The following FLNC variants were observed in gnomAD, a reference collection of about 807,000 sequenced individuals.
The protein encoded by FLNC is filamin C.
A neutral mutation model predicts 254.3 loss-of-function variants in FLNC; 91 were observed. That is an observed-to-expected ratio of 0.36 (90% CI 0.30 to 0.43). FLNC has a LOEUF of 0.43. FLNC is among the 20% of genes least tolerant of loss of function. FLNC has a pLI of 1.00. For missense variants in FLNC, 2,853 were observed against 3,802.6 expected (o/e 0.75, Z 6.57); for synonymous variants, 1,430 against 1,577.2 (o/e 0.91, Z 2.21).
chr7:128,845,505 G>T (rs561906900), intron 21 of FLNC, among the ~76,000 whole-genome samples: 1 of 152,334 alleles, frequency 6.6e-6, no homozygotes, highest in Non-Finnish European at 1.5e-5. Context: ...TTTCTGGAGA[G>T]ATCTCTTCTT....
chr7:128,855,085 C>A, intron 42 of FLNC, 114 bp from the exon 43 acceptor site: 2 of 1,062,408 alleles, frequency 1.9e-6, no homozygotes, highest in Non-Finnish European at 1.5e-6. Context: ...ATGTGTCTGC[C>A]TCCAGATCTG....
In FLNC at chr7:128,838,071, C is replaced by T. The variant is rs768302754; in HGVS notation, c.1047+7C>T. 1.9e-6 allele frequency: 3 copies of T among 1,609,596 alleles called. No homozygotes were observed. In the Admixed American group the frequency reaches 5.0e-5, roughly 27 times the overall value. On this transcript the variant is annotated splice_region_variant and intron_variant, in intron 6 of 47. Coordinates refer to ENST00000325888, the MANE Select transcript of FLNC (RefSeq NM_001458.5). Reference sequence around the variant, plus strand: ...GGTCGCTGGGTTACACAAGGTATCTCCCTCTAGGCCCCCCTGCCTGCGCTG... The same window carrying T: ...GGTCGCTGGGTTACACAAGGTATCTTCCTCTAGGCCCCCCTGCCTGCGCTG...
At position 128,842,912 on chromosome 7, in the gene FLNC, A is replaced by G. The variant is rs1418754864; in HGVS notation, c.2508A>G (p.Pro836=). Residue 836 remains proline, a synonymous_variant, in exon 16 of 48, where the codon CCA becomes CCG. Coordinates refer to ENST00000325888, the MANE Select transcript of FLNC (RefSeq NM_001458.5). The surrounding 1 kb of genome is among the most constrained non-coding windows in gnomAD (Gnocchi z 5.4). ...CCTTCACCGTCAAGTACACGCCACC[A>G]GGGGCGGGCCGCTACACCATCATGG... ...NDTFTVKYTP[P]GAGRYTIMVL... 3.1e-6 allele frequency: 5 copies of G among 1,613,912 alleles called. No individual in the cohort carries two copies. The highest frequency in any genetic ancestry group is 4.2e-6 in the Non-Finnish European group (5 of 1,180,038).
chr7:128,857,122 G>A lies in FLNC; in HGVS notation c.7566G>A (p.Val2522=). The A allele has an allele frequency of 6.2e-7, 1 of 1,614,030 alleles. No homozygotes were observed. The highest frequency in any genetic ancestry group is 2.2e-5 in the East Asian group (1 of 44,870). ...CTTGCTACCTCTGGCCCCCAGGTGT[G>A]TCATCAGAGTTCATCGTGAACACCC... ...GPGLEGGTTG[V]SSEFIVNTLN... The change falls in exon 46 of 48, where the codon GTG becomes GTA. Residue 2522 remains valine, a synonymous_variant. Coordinates refer to ENST00000325888, the MANE Select transcript of FLNC (RefSeq NM_001458.5). The surrounding 1 kb of genome is among the most constrained non-coding windows in gnomAD (Gnocchi z 4.5).
chr7:128,859,256 A>G lies in FLNC; in HGVS notation c.*733A>G, dbSNP rs1183901793. On this transcript the variant is annotated 3_prime_UTR_variant, in exon 48 of 48. Coordinates refer to ENST00000325888, the MANE Select transcript of FLNC (RefSeq NM_001458.5). Reference sequence around the variant, plus strand: ...GCTGCTTAGGTGGAAAACTCCAAATAAAGTGCGGCTGTCGCAGAGGGTTGG... The same window carrying G: ...GCTGCTTAGGTGGAAAACTCCAAATGAAGTGCGGCTGTCGCAGAGGGTTGG... The G allele has an allele frequency of 6.5e-6, 1 of 152,710 alleles. No individual in the cohort carries two copies. The highest frequency in any genetic ancestry group is 1.9e-4 in the East Asian group (1 of 5,182). 9.5% of individuals were successfully genotyped at this position (152,710 alleles called of 1,614,324 possible). A position where few individuals can be genotyped will look rare whatever the true frequency, so the allele number is the denominator to read the frequency against.
At chr7:128,855,112 C>T (rs1809000390) in intron 42 of FLNC, 87 bp from the exon 43 acceptor site, 2 of 1,120,276 alleles carry the variant, frequency 1.8e-6, no homozygotes, top group Admixed American at 1.7e-5. Flanking sequence ...GACCACAGAG[C>T]CTTTCCTGGG....
intron 27 of FLNC, 36 bp downstream of exon 27, chr7:128,848,753 T>C (rs377334405): frequency 8.2e-5 from 133 of 1,613,898 alleles, no homozygotes; most frequent in Non-Finnish European, 1.1e-4. Context: ...CAGGTCATGC[T>C]CCAGGCACAG....
chr7:128,858,375 C>A lies in FLNC; in HGVS notation c.8030C>A (p.Thr2677Asn). Residue 2677 changes from threonine (T) to asparagine (N), a missense_variant, in exon 48 of 48, where the codon ACC becomes AAC. Physicochemically the swap from Thr to Asn is moderately conservative, Grantham distance 65. Around this residue, in one of 10 missense-constraint regions of FLNC, gnomAD observed 197 missense variants for 351.5 expected, o/e 0.56. Coordinates refer to ENST00000325888, the MANE Select transcript of FLNC (RefSeq NM_001458.5). This position sits in a 1 kb window ranked among gnomAD's most constrained non-coding sequence, Gnocchi z 6.7. Reference sequence around the variant, plus strand: ...ATGGTGGGCGTGCACGGCCCCAAGACCCCCTGTGAGGAGGTGTACGTGAAG... The same window carrying A: ...ATGGTGGGCGTGCACGGCCCCAAGAACCCCTGTGAGGAGGTGTACGTGAAG... ...MMMVGVHGPK[T>N]PCEEVYVKHM... 6.3e-7 allele frequency: 1 copy of A among 1,583,804 alleles called. No individual in the cohort carries two copies. The highest frequency in any genetic ancestry group is 8.7e-7 in the Non-Finnish European group (1 of 1,154,324).
Position 128,837,686 on chromosome 7 carries a change from G to A in FLNC, c.900G>A (p.Val300=). The change falls in exon 5 of 48, where the codon GTG becomes GTA. Residue 300 remains valine, a synonymous_variant. Transcript: ENST00000325888. ...NTVLQPAHFT[V]QTVDAGVGEV... ...TGCTGCAGCCTGCCCACTTCACCGT[G>A]CAGACGGTGGACGCGGGCGTGGGCG... 1.2e-6 allele frequency: 2 copies of A among 1,611,804 alleles called. No individual in the cohort carries two copies. Among genetic ancestry groups the A allele is most frequent in the African/African-American group, 1.3e-5 (1 of 75,056 alleles).
chr7:128,849,091 C>T (rs2128937720), intron 28 of FLNC, 90 bp from the exon 29 acceptor site: 4 of 1,582,912 alleles, frequency 2.5e-6, no homozygotes, highest in Non-Finnish European at 3.5e-6. Context: ...GCACACATGC[C>T]CTAGCCCTGG....
chr7:128,846,124 G>T lies in FLNC; in HGVS notation c.3925G>T (p.Asp1309Tyr), dbSNP rs1473499195. ...AGACACCTATGTGACAGACAATGGGGACGGCACCTACCGAGTGCAGTACAC... is the reference window on the plus strand; with the variant it reads ...AGACACCTATGTGACAGACAATGGGTACGGCACCTACCGAGTGCAGTACAC... ...KTDTYVTDNG[D>Y]GTYRVQYTAY... The change falls in exon 22 of 48, where the codon GAC (aspartate) becomes TAC (tyrosine). Residue 1309 changes from aspartate to tyrosine, a missense_variant. By Grantham distance (160) the Asp-to-Tyr change is radical (BLOSUM62 -3). Coordinates refer to ENST00000325888, the MANE Select transcript of FLNC (RefSeq NM_001458.5). The T allele has an allele frequency of 6.2e-7, 1 of 1,613,970 alleles. No homozygotes were observed. The highest frequency in any genetic ancestry group is 1.3e-5 in the African/African-American group (1 of 74,914).
At position 128,846,591 on chromosome 7, in the gene FLNC, C is replaced by T. The variant is rs562526539; in HGVS notation, c.4127+128C>T. ...TCTCAGGGGTGAGGCAGGAGCAGAC[C>T]CCCTCCAGGACCCCAGATTGGCCCC... is the stretch of plus-strand genomic sequence containing the variant. On this transcript the variant is annotated intron_variant, in intron 23 of 47. Transcript: ENST00000325888. 1.0e-5 allele frequency: 14 copies of T among 1,402,732 alleles called. No individual in the cohort carries two copies. In the Admixed American group the frequency reaches 2.3e-4, roughly 23 times the overall value. The allele number at this position is 1,402,732 out of a possible 1,614,324, so 86.9% of individuals were successfully genotyped here.
Position 128,851,641 on chromosome 7 carries a change from T to C in FLNC, c.5842+13T>C. ...GCCAAGATCACAGGTGAGGCGGGTG[T>C]ATGGGCATGTACAGCCCATGAGGCA... On this transcript the variant is annotated intron_variant, in intron 35 of 47. Transcript: ENST00000325888. 6.2e-7 allele frequency: 1 copy of C among 1,613,344 alleles called. No homozygotes were observed. Among genetic ancestry groups the C allele is most frequent in the Non-Finnish European group, 8.5e-7 (1 of 1,179,856 alleles).
In FLNC at chr7:128,846,392, C is replaced by A; in HGVS notation, c.4056C>A (p.Arg1352=). ...VGVTEGCDPT[R]VRAFGPGLEG... is the part of the protein sequence containing the mutation. ...TGACCGAGGGCTGTGATCCCACCCG[C>A]GTCCGAGCCTTCGGGCCAGGCCTGG... The change falls in exon 23 of 48, where the codon CGC becomes CGA. Residue 1352 remains arginine, a synonymous_variant. Coordinates refer to ENST00000325888, the MANE Select transcript of FLNC (RefSeq NM_001458.5). 6.2e-7 allele frequency: 1 copy of A among 1,611,094 alleles called. No homozygotes were observed. Among genetic ancestry groups the A allele is most frequent in the Non-Finnish European group, 8.5e-7 (1 of 1,179,976 alleles).
intron 7 of FLNC, 86 bp downstream of exon 7, chr7:128,838,515 C>G: frequency 6.3e-7 from 1 of 1,592,054 alleles, no homozygotes; most frequent in Non-Finnish European, 8.6e-7. Flanking sequence ...GACAGGGATG[C>G]CAGCCAGAGG....
In FLNC at chr7:128,849,508, A is replaced by G. The variant is rs781539315; in HGVS notation, c.5129A>G (p.Glu1710Gly). ...TTTGACATCTACTACACAGCGCCCGAGCCGGGCAAGTACGTCATCACCATC... is the reference window on the plus strand; with the variant it reads ...TTTGACATCTACTACACAGCGCCCGGGCCGGGCAAGTACGTCATCACCATC... ...GTFDIYYTAP[E>G]PGKYVITIRF... The change falls in exon 30 of 48, where the codon GAG (glutamate) becomes GGG (glycine). Residue 1710 changes from glutamate (E) to glycine (G), a missense_variant. Physicochemically the swap from Glu to Gly is moderately conservative, Grantham distance 98. Coordinates refer to ENST00000325888, the MANE Select transcript of FLNC (RefSeq NM_001458.5). 1 of 1,614,206 alleles carries G rather than the reference A, an allele frequency of 6.2e-7. No individual in the cohort carries two copies. The highest frequency in any genetic ancestry group is 1.1e-5 in the South Asian group (1 of 91,090).
chr7:128,840,821 C>T lies in FLNC; in HGVS notation c.1677-13C>T. 1 of 1,614,008 alleles carries T rather than the reference C, an allele frequency of 6.2e-7. No individual in the cohort carries two copies. Among genetic ancestry groups the T allele is most frequent in the Non-Finnish European group, 8.5e-7 (1 of 1,180,026 alleles). On this transcript the variant is annotated splice_polypyrimidine_tract_variant and intron_variant, in intron 10 of 47. Transcript: ENST00000325888. ...CACTTCCTGGCATGGACACCAGCTC[C>T]CTCTCTGCCCAGCCCCTTTGAGGTA...
chr7:128,840,824 C>G lies in FLNC; in HGVS notation c.1677-10C>G. 3 of 1,613,714 alleles carry G rather than the reference C, an allele frequency of 1.9e-6. No individual in the cohort carries two copies. Among genetic ancestry groups the G allele is most frequent in the East Asian group, 2.2e-5 (1 of 44,882 alleles). Reference sequence around the variant, plus strand: ...TTCCTGGCATGGACACCAGCTCCCTCTCTGCCCAGCCCCTTTGAGGTACAG... The same window carrying G: ...TTCCTGGCATGGACACCAGCTCCCTGTCTGCCCAGCCCCTTTGAGGTACAG... On this transcript the variant is annotated splice_polypyrimidine_tract_variant and intron_variant, in intron 10 of 47. Coordinates refer to ENST00000325888, the MANE Select transcript of FLNC (RefSeq NM_001458.5).
chr7:128,831,051 C>A, intron 1 of FLNC, 62 bp downstream of exon 1: 1 of 1,526,432 alleles, frequency 6.6e-7, no homozygotes, highest in Non-Finnish European at 8.9e-7. Flanking sequence ...GGGGCAGGGG[C>A]ACAGGTGCGG....
Sources: gnomAD v4.1 joint callset for allele counts (sites outside exome capture counted in the v4.1 genomes callset) on GRCh38, gnomAD v4.1.1 for gene constraint, gnomAD v4.1.1 regional missense constraint, Gnocchi (gnomAD v3.1) non-coding constraint, MANE v1.5 for transcripts, NCBI Gene and HGNC (gene_info 2026-07-23, HGNC 2026-07-21) for gene names.